The following MCF2L variants were observed in gnomAD, a reference collection of about 807,000 sequenced individuals.
The protein encoded by MCF2L is guanine nucleotide exchange factor DBS.
Under a neutral mutation model 153.4 loss-of-function variants are expected in MCF2L, and 97 were observed. The ratio of observed to expected loss-of-function variants is 0.63; its 90% CI spans 0.54 to 0.75. The LOEUF (loss-of-function observed/expected upper bound fraction) is 0.75. Among genes scored for constraint, MCF2L ranks in the 30% least tolerant of loss-of-function variants. MCF2L has a pLI of 0.00. For synonymous variants in MCF2L, 659 were observed against 632.2 expected, an observed-to-expected ratio of 1.04 and a Z score of -0.64; for missense variants, 1,347 against 1,495.2, an observed-to-expected ratio of 0.90 and a Z score of 1.64.
At chr13:113,062,567 A>G (rs971345239) in intron 5 of MCF2L, among the ~76,000 whole-genome samples, 1 of 152,090 alleles carries the variant, frequency 6.6e-6, no homozygotes, top group African/African-American at 2.4e-5. Context: ...CTCCACAGCA[A>G]GCCGTCAAAA....
intron 1 of MCF2L, among the ~76,000 whole-genome samples, chr13:113,004,488 TC>T (rs1436293052): frequency 1.3e-5 from 2 of 152,178 alleles, no homozygotes; most frequent in Admixed American, 1.3e-4. Flanking sequence ...CCCTGTAGCC[TC>T]CATAACATAA....
chr13:112,924,549 G>C (rs1025938643), intron 2 of MCF2L, among the ~76,000 whole-genome samples: 1 of 152,156 alleles, frequency 6.6e-6, no homozygotes, highest in African/African-American at 2.4e-5. Flanking sequence ...TTTAATAAAT[G>C]CTGATACGAG....
At chr13:112,981,688 G>A (rs550549551) in intron 1 of MCF2L, among the ~76,000 whole-genome samples, 2 of 152,252 alleles carry the variant, frequency 1.3e-5, no homozygotes, top group South Asian at 4.1e-4. Flanking sequence ...ACACCCCGAG[G>A]CACAGGCAGG....
chr13:113,016,220 A>G (rs796242712), intron 2 of MCF2L, among the ~76,000 whole-genome samples: 5 of 152,258 alleles, frequency 3.3e-5, no homozygotes, highest in African/African-American at 1.2e-4. Context: ...GGCTTGACCC[A>G]CTCAGCTAAG....
chr13:113,015,733 G>C (rs902635886), intron 2 of MCF2L, among the ~76,000 whole-genome samples: 1 of 152,220 alleles, frequency 6.6e-6, no homozygotes, highest in Non-Finnish European at 1.5e-5. Flanking sequence ...CCAGCAACAT[G>C]ATGGCCAGAG....
At chr13:113,088,750 G>A in intron 25 of MCF2L, 122 bp downstream of exon 25, 1 of 1,017,814 alleles carries the variant, frequency 9.8e-7, no homozygotes, top group Non-Finnish European at 1.5e-6. Flanking sequence ...TTTCCTTGAG[G>A]CCCCTGGTGT....
At chr13:113,005,799 A>C (rs1458601915) in intron 1 of MCF2L, among the ~76,000 whole-genome samples, 1 of 152,186 alleles carries the variant, frequency 6.6e-6, no homozygotes, top group Non-Finnish European at 1.5e-5. Flanking sequence ...GGTGGTGGCT[A>C]TGGTTTCACA....
intron 1 of MCF2L, chr13:113,001,840 G>A (rs899500160): frequency 6.3e-5 from 96 of 1,517,774 alleles, no homozygotes; most frequent in Middle Eastern, 4.0e-4. Flanking sequence ...CTGGTGCTGC[G>A]CCATCCTTTG....
chr13:112,991,192 G>T (rs1283711738), intron 1 of MCF2L, among the ~76,000 whole-genome samples: 1 of 152,164 alleles, frequency 6.6e-6, no homozygotes, highest in Non-Finnish European at 1.5e-5. Flanking sequence ...TGCGAAATCC[G>T]GCCGCCTGCC....
At chr13:112,969,091 G>C (rs905512201), upstream of MCF2L, 1 of 250,584 alleles carries the variant, frequency 4.0e-6, no homozygotes, top group Non-Finnish European at 7.4e-6. The surrounding 1 kb of genome is among the most constrained non-coding windows in gnomAD (Gnocchi z 4.8). Context: ...CCCCGGCGGT[G>C]CACTCACAGG....
chr13:112,921,883 C>T (rs1004942800), intron 2 of MCF2L, among the ~76,000 whole-genome samples: 1 of 151,742 alleles, frequency 6.6e-6, no homozygotes, highest in African/African-American at 2.4e-5. Flanking sequence ...AGGATTATAT[C>T]AATACTTATA....
intron 1 of MCF2L, among the ~76,000 whole-genome samples, chr13:112,900,247 C>G (rs1295146420): frequency 6.6e-6 from 1 of 152,146 alleles, no homozygotes; most frequent in Non-Finnish European, 1.5e-5. Context: ...AGAAAATAAG[C>G]CTTTAGACCT....
intron 1 of MCF2L, among the ~76,000 whole-genome samples, chr13:113,013,172 GA>G (rs1461121699): frequency 6.6e-6 from 1 of 151,964 alleles, no homozygotes; most frequent in African/African-American, 2.4e-5. Flanking sequence ...ACATTCCAGA[GA>G]GGTGTGCACC....
In MCF2L at chr13:113,008,113, C is replaced by T. The variant is rs529255027; in HGVS notation, c.80-6650C>T. On this transcript the variant is annotated intron_variant, in intron 1 of 29. Coordinates refer to ENST00000535094, the MANE Select transcript of MCF2L (RefSeq NM_001112732.3). ...TGTATCTTTAGTAGGGAGGGGGTTTCGCCATGTTGACCAGGCTGGTCTTGA... is the reference window on the plus strand; with the variant it reads ...TGTATCTTTAGTAGGGAGGGGGTTTTGCCATGTTGACCAGGCTGGTCTTGA... Among the ~76,000 whole-genome samples the T allele has an allele frequency of 1.4e-4, 22 of 152,198 alleles. No individual in the cohort carries two copies. In the South Asian group the frequency reaches 1.7e-3, roughly 11 times the overall value.
At chr13:113,052,376 C>A (rs1030064090) in intron 4 of MCF2L, 5 of 153,270 alleles carry the variant, frequency 3.3e-5, no homozygotes, top group Non-Finnish European at 7.3e-5. Flanking sequence ...CGCCGGCTTC[C>A]CTGACTGATA....
chr13:112,987,185 C>G (rs767237793), intron 1 of MCF2L, among the ~76,000 whole-genome samples: 2 of 152,234 alleles, frequency 1.3e-5, no homozygotes, highest in Non-Finnish European at 2.9e-5. Context: ...CGCAGGGTCT[C>G]TGCAGCTTGT....
At chr13:113,091,193 G>A (rs960855858) in intron 26 of MCF2L, 19 of 1,301,918 alleles carry the variant, frequency 1.5e-5, no homozygotes, top group East Asian at 5.5e-5. Flanking sequence ...TTTGGTGTGC[G>A]AGGTAGAGTG....
rs564967412 is a variant in MCF2L at position 112,993,992 on chromosome 13, G to T, written c.80-20771G>T. The stretch of plus-strand genomic sequence containing the variant: ...TCATTTTAAAGACAGCAGAGGAGGG[G>T]TGGGGTGGGAGGGCAGTACCCAGGA... On this transcript the variant is annotated intron_variant, in intron 1 of 29. Coordinates refer to ENST00000535094, the MANE Select transcript of MCF2L (RefSeq NM_001112732.3). This position sits in a 1 kb window ranked among gnomAD's most constrained non-coding sequence, Gnocchi z 4.6. Among the ~76,000 whole-genome samples, 3 of 151,464 alleles carry T rather than the reference G, an allele frequency of 2.0e-5. No homozygotes were observed. The highest frequency in any genetic ancestry group is 4.9e-5 in the African/African-American group (2 of 41,182).
At position 113,060,656 on chromosome 13, in the gene MCF2L, ACT is replaced by A; in HGVS notation, c.439_440del (p.Ser147ArgfsTer8). 1 of 1,613,216 alleles carries A rather than the reference ACT, an allele frequency of 6.2e-7. No homozygotes were observed. The highest frequency in any genetic ancestry group is 8.5e-7 in the Non-Finnish European group (1 of 1,179,874). ...TCGCCCGACGGGTTTTTTCCAAAGG[ACT>A]CTCTCCGACATCGCTTTCAAATTCA... ...VLRPTGFFQR[T>X]LSDIAFKFNR... On this transcript the variant is annotated frameshift_variant, in exon 5 of 30. Coordinates refer to ENST00000535094, the MANE Select transcript of MCF2L (RefSeq NM_001112732.3). LOFTEE classifies it high-confidence loss of function.
Sources: gnomAD v4.1 joint callset for allele counts (sites outside exome capture counted in the v4.1 genomes callset) on GRCh38, gnomAD v4.1.1 for gene constraint, Gnocchi (gnomAD v3.1) non-coding constraint, MANE v1.5 for transcripts, NCBI Gene and HGNC (gene_info 2026-07-23, HGNC 2026-07-21) for gene names.